The following PAK3 variants were observed in gnomAD, a reference collection of about 807,000 sequenced individuals.
PAK3 encodes the protein serine/threonine-protein kinase PAK 3.
In PAK3, 4 loss-of-function variants were observed where a neutral mutation model predicts 41.0. That is an observed-to-expected ratio of 0.10 (90% CI 0.05 to 0.22). The LOEUF (loss-of-function observed/expected upper bound fraction) is 0.22, where lower values mean the gene tolerates loss of function less well. Ranked by LOEUF, PAK3 falls within the 10% of genes least tolerant of loss-of-function variation. PAK3 has a pLI of 1.00. For synonymous variants in PAK3, 146 were observed against 139.6 expected, an observed-to-expected ratio of 1.05 and a Z score of -0.32; for missense variants, 205 against 409.9, an observed-to-expected ratio of 0.50 and a Z score of 4.32.
intron 16 of PAK3, among the ~76,000 whole-genome samples, chrX:111,215,913 T>C (rs1427615117): frequency 2.7e-5 from 3 of 112,219 alleles, no homozygotes; most frequent in African/African-American, 9.7e-5. Flanking sequence ...TTCTGGTTCA[T>C]TGTACTTCCC....
chrX:111,116,049 A>G (rs2093458160), intron 4 of PAK3, among the ~76,000 whole-genome samples: 1 of 111,225 alleles, frequency 9.0e-6, no homozygotes, highest in Non-Finnish European at 1.9e-5. Flanking sequence ...ATCAATAAAG[A>G]GTATAATTAT....
At chrX:111,135,470 C>T (rs1466731994) in intron 5 of PAK3, among the ~76,000 whole-genome samples, 1 of 110,557 alleles carries the variant, frequency 9.0e-6, no homozygotes, top group Non-Finnish European at 1.9e-5. Flanking sequence ...TATGGAGAAT[C>T]ACTAGTGTCA....
At position 111,201,100 on chromosome X, in the gene PAK3, T is replaced by C. The variant is rs774246976; in HGVS notation, c.1407+4460T>C. On this transcript the variant is annotated intron_variant, in intron 16 of 17. Coordinates refer to ENST00000372007, the MANE Select transcript of PAK3 (RefSeq NM_002578.5). ...GAAAGACCACCCTGTTGAATTCCACTGATAAGGATTTACTCTAACTTTGCT... is the reference window on the plus strand; with the variant it reads ...GAAAGACCACCCTGTTGAATTCCACCGATAAGGATTTACTCTAACTTTGCT... 4.5e-5 allele frequency among the ~76,000 whole-genome samples: 5 copies of C among 112,107 alleles called. No homozygotes were observed. The South Asian group carries it at 1.5e-3, about 33-fold the overall frequency.
intron 1 of PAK3, among the ~76,000 whole-genome samples, chrX:110,946,035 G>A (rs2090612233): frequency 9.0e-6 from 1 of 111,673 alleles, no homozygotes; most frequent in East Asian, 2.8e-4. Context: ...GCAAGATAGA[G>A]CGTGTAAACA....
intron 1 of PAK3, among the ~76,000 whole-genome samples, chrX:110,967,341 C>T (rs974945547): frequency 4.5e-5 from 5 of 112,187 alleles, no homozygotes; most frequent in Non-Finnish European, 9.4e-5. Flanking sequence ...TGAGGTGTCA[C>T]GTGCAAGATT....
intron 1 of PAK3, among the ~76,000 whole-genome samples, chrX:110,978,971 G>A (rs1468163073): frequency 9.0e-6 from 1 of 111,352 alleles, no homozygotes; most frequent in Non-Finnish European, 1.9e-5. Flanking sequence ...TTGTTGGGGG[G>A]CTTTGAAATT....
intron 1 of PAK3, among the ~76,000 whole-genome samples, chrX:111,035,678 A>C (rs896946594): frequency 8.9e-6 from 1 of 112,525 alleles, no homozygotes; most frequent in Non-Finnish European, 1.9e-5. Context: ...ATTATGTTTT[A>C]GTCCCTCTCA....
chrX:110,963,595 T>G (rs1336723886), intron 1 of PAK3, among the ~76,000 whole-genome samples: 1 of 112,611 alleles, frequency 8.9e-6, no homozygotes, highest in Non-Finnish European at 1.9e-5. Context: ...AAGCCTCTAG[T>G]GTCATCTCTC....
intron 1 of PAK3, among the ~76,000 whole-genome samples, chrX:110,980,785 G>A (rs1480454313): frequency 8.9e-6 from 1 of 112,135 alleles, no homozygotes; most frequent in Non-Finnish European, 1.9e-5. Flanking sequence ...ATACATCAAA[G>A]CCTCTCTGTC....
At chrX:111,141,175 G>C (rs1453246406) in intron 5 of PAK3, among the ~76,000 whole-genome samples, 2 of 111,648 alleles carry the variant, frequency 1.8e-5, no homozygotes, top group Non-Finnish European at 3.8e-5. Flanking sequence ...CCATTTTAGA[G>C]TGTTTCCACA....
chrX:110,998,050 G>T (rs1018594005), intron 1 of PAK3, among the ~76,000 whole-genome samples: 1 of 111,552 alleles, frequency 9.0e-6, no homozygotes, highest in African/African-American at 3.3e-5. Flanking sequence ...ATCCCAAATG[G>T]ACCAAGACAG....
chrX:111,209,736 A>C (rs1006812307), intron 16 of PAK3, among the ~76,000 whole-genome samples: 1 of 112,167 alleles, frequency 8.9e-6, no homozygotes, highest in Non-Finnish European at 1.9e-5. Context: ...CTTAACTTAA[A>C]CTTTATAAAC....
At chrX:110,964,824 G>A (rs969269801) in intron 1 of PAK3, among the ~76,000 whole-genome samples, 2 of 112,256 alleles carry the variant, frequency 1.8e-5, no homozygotes, top group East Asian at 2.8e-4. Context: ...GGGAGGAGGG[G>A]GAGAAGGAAG....
chrX:110,954,150 T>C (rs2090802944), intron 1 of PAK3, among the ~76,000 whole-genome samples: 1 of 111,737 alleles, frequency 8.9e-6, no homozygotes, highest in Non-Finnish European at 1.9e-5. Context: ...TCAGCACTAG[T>C]GTACACCAAT....
At chrX:110,946,610 C>G (rs944517385) in intron 1 of PAK3, among the ~76,000 whole-genome samples, 4 of 112,292 alleles carry the variant, frequency 3.6e-5, no homozygotes, top group African/African-American at 1.3e-4. Context: ...TTTCTTTTAA[C>G]CAAAAATCCA....
At chrX:111,144,628 T>A (rs1349011729) in intron 6 of PAK3, among the ~76,000 whole-genome samples, 1 of 111,325 alleles carries the variant, frequency 9.0e-6, no homozygotes, top group African/African-American at 3.3e-5. Flanking sequence ...TGCAATTTGC[T>A]GAACTATCTA....
chrX:111,192,872 A>T (rs1232359919), intron 13 of PAK3, among the ~76,000 whole-genome samples: 4 of 111,901 alleles, frequency 3.6e-5, no homozygotes, highest in Non-Finnish European at 7.5e-5. Context: ...TTTGGCAGAA[A>T]ATAGACCATT....
At chrX:111,090,027 A>T (rs1314696354) in intron 1 of PAK3, among the ~76,000 whole-genome samples, 1 of 110,465 alleles carries the variant, frequency 9.1e-6, no homozygotes, top group African/African-American at 3.3e-5. Context: ...GACGCCACTG[A>T]TATTCCCTCT....
At chrX:110,982,957 G>A (rs1376726490) in intron 1 of PAK3, among the ~76,000 whole-genome samples, 1 of 110,494 alleles carries the variant, frequency 9.1e-6, no homozygotes, top group African/African-American at 3.3e-5. Context: ...ATTTATGAAA[G>A]GTTCTTGGTG....
Sources: gnomAD v4.1 joint callset for allele counts (sites outside exome capture counted in the v4.1 genomes callset) on GRCh38, gnomAD v4.1.1 for gene constraint, MANE v1.5 for transcripts, NCBI Gene and HGNC (gene_info 2026-07-23, HGNC 2026-07-21) for gene names.